ANKRD13A: variants seen among roughly 807,000 people sequenced by gnomAD.
ANKRD13A encodes the protein ankyrin repeat domain 13A.
Under a neutral mutation model 81.3 loss-of-function variants are expected in ANKRD13A, and 48 were observed. The ratio of observed to expected loss-of-function variants is 0.59; its 90% CI spans 0.47 to 0.75. The LOEUF is 0.75. ANKRD13A is among the 30% of genes least tolerant of loss of function. The pLI is 0.00. For missense variants in ANKRD13A, 612 were observed against 734.0 expected, an observed-to-expected ratio of 0.83 and a Z score of 1.92; for synonymous variants, 230 against 270.1, an observed-to-expected ratio of 0.85 and a Z score of 1.45.
intron 2 of ANKRD13A, among the ~76,000 whole-genome samples, chr12:110,012,792 C>T (rs1175140896): frequency 1.3e-5 from 2 of 152,156 alleles, no homozygotes; most frequent in Non-Finnish European, 2.9e-5. Context: ...TAGGCCAAGC[C>T]CTGCCTGCCA....
intron 6 of ANKRD13A, chr12:110,022,612 T>G (rs983449590): frequency 6.6e-6 from 1 of 152,208 alleles, no homozygotes; most frequent in African/African-American, 2.4e-5. Flanking sequence ...GTAATCATCT[T>G]TCCATCCATC....
At chr12:110,012,191 C>A in intron 2 of ANKRD13A, 54 bp downstream of exon 2, 1 of 1,531,044 alleles carries the variant, frequency 6.5e-7, no homozygotes, top group East Asian at 2.4e-5. Context: ...TGGTGAAACC[C>A]TGTCTCTACA....
At chr12:110,011,137 A>G (rs1198419495) in intron 1 of ANKRD13A, among the ~76,000 whole-genome samples, 1 of 152,128 alleles carries the variant, frequency 6.6e-6, no homozygotes, top group Non-Finnish European at 1.5e-5. Context: ...GTACTTTCCA[A>G]AAGTCCATGG....
intron 12 of ANKRD13A, among the ~76,000 whole-genome samples, chr12:110,031,357 AT>A (rs112846454): frequency 0.026 from 3,785 of 143,086 alleles, 60 homozygotes; most frequent in Middle Eastern, 0.05. Flanking sequence ...GGTTCAGTGC[AT>A]TTTTTTTTTT....
At chr12:110,006,602 C>CT (rs201846270) in intron 1 of ANKRD13A, among the ~76,000 whole-genome samples, 3,608 of 146,544 alleles carry the variant, frequency 0.025, 145 homozygotes, top group African/African-American at 0.084. Context: ...CATGGGTTGT[C>CT]TTTTTTTTTT....
chr12:110,027,825 T>A, intron 9 of ANKRD13A, 59 bp downstream of exon 9: 1 of 1,567,874 alleles, frequency 6.4e-7, no homozygotes, highest in South Asian at 1.1e-5. Flanking sequence ...CTTGTCTGTG[T>A]CTGGGATGGC....
At chr12:110,023,964 GA>G (rs35432632) in intron 6 of ANKRD13A, 81 bp from the exon 7 acceptor site, 263 of 1,404,298 alleles carry the variant, frequency 1.9e-4, no homozygotes, top group East Asian at 6.4e-4. Context: ...AGCTGGGGGG[GA>G]AAAAAACTAT....
At chr12:110,023,852 T>G in intron 6 of ANKRD13A, 194 bp from the exon 7 acceptor site, 1 of 520,128 alleles carries the variant, frequency 1.9e-6, no homozygotes, top group East Asian at 3.0e-5. Context: ...AATTGATTAA[T>G]AACTGTGGGA....
chr12:110,019,206 T>C lies in ANKRD13A; in HGVS notation c.612T>C (p.Leu204=), dbSNP rs763951887. ...DKVVTTERFD[L]SQEMERLTLD... ...TGGTCACCACCGAACGCTTCGACCT[T>C]TCCCAAGAAATGGAGCGCCTCACTC... The change falls in exon 6 of 15, where the codon CTT becomes CTC. Residue 204 remains leucine (L), a synonymous_variant. Coordinates refer to ENST00000261739, the MANE Select transcript of ANKRD13A (RefSeq NM_033121.2). 7.4e-6 allele frequency: 12 copies of C among 1,613,926 alleles called. No homozygotes were observed. The highest frequency in any genetic ancestry group is 1.6e-4 in the Middle Eastern group (1 of 6,082).
rs1219134577 is a variant in ANKRD13A at position 109,999,737 on chromosome 12, G to A, written c.49G>A (p.Val17Ile). ...CGACCACTACCCCCTGCACCTCCTAGTCTGGAAAAACGACTACCGGCAGCT... is the reference window on the plus strand; with the variant it reads ...CGACCACTACCCCCTGCACCTCCTAATCTGGAAAAACGACTACCGGCAGCT... ...AGDHYPLHLL[V>I]WKNDYRQLEK... is the part of the protein sequence containing the mutation. The change falls in exon 1 of 15, where the codon GTC becomes ATC. Residue 17 changes from valine (V) to isoleucine (I), a missense_variant. Physicochemically the swap from Val to Ile is conservative, Grantham distance 29 (BLOSUM62 3). Coordinates refer to ENST00000261739, the MANE Select transcript of ANKRD13A (RefSeq NM_033121.2). This position sits in a 1 kb window ranked among gnomAD's most constrained non-coding sequence, Gnocchi z 4.3. 1 of 1,535,974 alleles carries A rather than the reference G, an allele frequency of 6.5e-7. No homozygotes were observed. The highest frequency in any genetic ancestry group is 8.8e-7 in the Non-Finnish European group (1 of 1,139,550).
At chr12:110,031,675 C>A (rs1024568237) in intron 12 of ANKRD13A, among the ~76,000 whole-genome samples, 5 of 152,136 alleles carry the variant, frequency 3.3e-5, no homozygotes, top group Admixed American at 6.6e-5. Flanking sequence ...TGTGTAACCA[C>A]CACCATAGTC....
Position 110,036,179 on chromosome 12 carries a change from T to A in ANKRD13A, c.1510-82T>A. On this transcript the variant is annotated intron_variant, in intron 13 of 14. Transcript: ENST00000261739. The surrounding 1 kb of genome is among the most constrained non-coding windows in gnomAD (Gnocchi z 4.6). The stretch of plus-strand genomic sequence containing the variant: ...GTCATGGAAAGACTTTTAATTTGGT[T>A]CTTGCTGCCATCGTTTCCTTACCAG... The A allele has an allele frequency of 7.7e-7, 1 of 1,296,484 alleles. No homozygotes were observed. The highest frequency in any genetic ancestry group is 1.1e-6 in the Non-Finnish European group (1 of 892,330). The allele number at this position is 1,296,484 out of a possible 1,614,324, so 80.3% of individuals were successfully genotyped here.
chr12:110,025,950 T>TTC (rs200391814), intron 8 of ANKRD13A, 127 bp downstream of exon 8: 54 of 712,280 alleles, frequency 7.6e-5, no homozygotes, highest in Non-Finnish European at 1.1e-4. Flanking sequence ...CCCTAACTTC[T>TTC]TCTCTCTCTC....
At chr12:110,000,914 C>T (rs1367888964) in intron 1 of ANKRD13A, among the ~76,000 whole-genome samples, 3 of 151,734 alleles carry the variant, frequency 2.0e-5, no homozygotes, top group African/African-American at 7.3e-5. Context: ...TGCACCACCA[C>T]GCCCGGCTAA....
chr12:110,009,498 G>A (rs550067175), intron 1 of ANKRD13A, among the ~76,000 whole-genome samples: 40 of 152,218 alleles, frequency 2.6e-4, no homozygotes, highest in African/African-American at 8.9e-4. Context: ...CTAACTAAAT[G>A]TTCGTCAATG....
chr12:110,035,872 A>G (rs1892013004), intron 13 of ANKRD13A, among the ~76,000 whole-genome samples: 1 of 152,154 alleles, frequency 6.6e-6, no homozygotes, highest in South Asian at 2.1e-4. Context: ...CTACGATCAC[A>G]TCACTACCCT....
intron 1 of ANKRD13A, among the ~76,000 whole-genome samples, chr12:110,006,588 A>T (rs887650996): frequency 4.7e-5 from 7 of 150,258 alleles, no homozygotes; most frequent in Admixed American, 1.3e-4. Context: ...ATTTTCTCCC[A>T]TTCCATGGGT....
chr12:110,025,047 T>C (rs1007449614), intron 7 of ANKRD13A, among the ~76,000 whole-genome samples: 1 of 152,212 alleles, frequency 6.6e-6, no homozygotes, highest in South Asian at 2.1e-4. Context: ...GTCTGAGTCA[T>C]ACTAGTATTA....
At chr12:110,009,708 A>G (rs113236084) in intron 1 of ANKRD13A, among the ~76,000 whole-genome samples, 2,026 of 152,332 alleles carry the variant, frequency 0.013, 25 homozygotes, top group Non-Finnish European at 0.022. Context: ...AAGAGTTACA[A>G]TTATCCAAGA....
Sources: allele counts gnomAD v4.1 joint callset (sites outside exome capture counted in the v4.1 genomes callset), GRCh38; gene constraint gnomAD v4.1.1; non-coding constraint Gnocchi (gnomAD v3.1); transcripts MANE v1.5; gene names NCBI Gene and HGNC (gene_info 2026-07-23, HGNC 2026-07-21).